The following CTNND2 variants were observed in gnomAD, a reference collection of about 807,000 sequenced individuals.
CTNND2 encodes catenin delta-2.
Under a neutral mutation model 144.4 loss-of-function variants are expected in CTNND2, and 22 were observed. The observed-to-expected ratio is 0.15, with a 90% CI of 0.11 to 0.22. The LOEUF is 0.22. Among genes scored for constraint, CTNND2 ranks in the 10% least tolerant of loss-of-function variants. CTNND2 has a pLI of 1.00. For missense variants in CTNND2, 1,353 were observed against 1,618.8 expected (o/e 0.84, Z 2.82); for synonymous variants, 751 against 695.6 (o/e 1.08, Z -1.25).
intron 1 of CTNND2, among the ~76,000 whole-genome samples, chr5:11,808,758 G>A (rs1792148102): frequency 6.6e-6 from 1 of 152,128 alleles, no homozygotes; most frequent in South Asian, 2.1e-4. Flanking sequence ...ACACAGTAAT[G>A]TTTCTCTAAG....
chr5:11,822,916 T>C (rs1421845417), intron 1 of CTNND2, among the ~76,000 whole-genome samples: 2 of 152,162 alleles, frequency 1.3e-5, no homozygotes, highest in African/African-American at 2.4e-5. Flanking sequence ...CATGTCCAGA[T>C]TCCTTACACA....
At chr5:11,496,311 C>T (rs574297340) in intron 3 of CTNND2, among the ~76,000 whole-genome samples, 1 of 152,342 alleles carries the variant, frequency 6.6e-6, no homozygotes, top group African/African-American at 2.4e-5. Context: ...ACCTCACTGC[C>T]TGTCAGCACA....
chr5:10,976,131 T>C (rs1736440654), intron 21 of CTNND2, among the ~76,000 whole-genome samples: 1 of 152,190 alleles, frequency 6.6e-6, no homozygotes. Context: ...TGGTATTTGC[T>C]CTTGTGGTAT....
chr5:11,264,380 A>G (rs1745231399), intron 9 of CTNND2, among the ~76,000 whole-genome samples: 1 of 152,206 alleles, frequency 6.6e-6, no homozygotes, highest in Non-Finnish European at 1.5e-5. Flanking sequence ...ATTTTCAGAA[A>G]CAAACAGTGG....
At chr5:11,093,268 C>A (rs1479605028) in intron 15 of CTNND2, among the ~76,000 whole-genome samples, 1 of 152,098 alleles carries the variant, frequency 6.6e-6, no homozygotes, top group East Asian at 1.9e-4. Flanking sequence ...AGCTCAAGTA[C>A]AATAGAAATA....
intron 1 of CTNND2, among the ~76,000 whole-genome samples, chr5:11,855,680 T>C (rs1229207363): frequency 2.6e-5 from 4 of 152,214 alleles, no homozygotes; most frequent in African/African-American, 4.8e-5. Context: ...TAGAGACTTC[T>C]GGTCACCCTG....
intron 13 of CTNND2, among the ~76,000 whole-genome samples, chr5:11,112,188 G>A (rs1255837058): frequency 6.6e-6 from 1 of 152,138 alleles, no homozygotes; most frequent in Non-Finnish European, 1.5e-5. Flanking sequence ...CGTATGTTAG[G>A]TCACGTGGCT....
chr5:11,737,183 G>A (rs1787733754), intron 1 of CTNND2, among the ~76,000 whole-genome samples: 1 of 152,128 alleles, frequency 6.6e-6, no homozygotes, highest in Non-Finnish European at 1.5e-5. Context: ...CTCGCCCACT[G>A]GAAAGGTCAT....
chr5:11,288,417 G>A (rs1747973118), intron 9 of CTNND2, among the ~76,000 whole-genome samples: 1 of 151,710 alleles, frequency 6.6e-6, no homozygotes. Flanking sequence ...AATTCTAATT[G>A]AATTACTTGT....
chr5:11,262,586 C>A (rs1029725217), intron 9 of CTNND2, among the ~76,000 whole-genome samples: 2 of 151,662 alleles, frequency 1.3e-5, no homozygotes, highest in African/African-American at 4.8e-5. Context: ...CATGGTGAAA[C>A]CCCGTCTCTA....
At chr5:11,178,975 T>C (rs12716081) in intron 11 of CTNND2, among the ~76,000 whole-genome samples, 62,940 of 152,066 alleles carry the variant, frequency 0.41, 13,423 homozygotes, top group African/African-American at 0.5. Flanking sequence ...ACAGTGCATA[T>C]ATTTTACAAC....
chr5:11,865,146 C>G (rs947290104), intron 1 of CTNND2, among the ~76,000 whole-genome samples: 2 of 152,108 alleles, frequency 1.3e-5, no homozygotes, highest in African/African-American at 4.8e-5. Context: ...CCGCGTGCCT[C>G]GGCCTCCCAA....
intron 3 of CTNND2, among the ~76,000 whole-genome samples, chr5:11,510,154 G>T (rs1168505519): frequency 1.3e-5 from 2 of 151,932 alleles, no homozygotes; most frequent in African/African-American, 4.8e-5. Flanking sequence ...GCCCAGGGTG[G>T]TCTTGAACTC....
chr5:11,794,261 T>C (rs899413790), intron 1 of CTNND2, among the ~76,000 whole-genome samples: 1 of 152,248 alleles, frequency 6.6e-6, no homozygotes, highest in Non-Finnish European at 1.5e-5. Context: ...CACCATCTAC[T>C]GTCCCCGTAT....
intron 3 of CTNND2, among the ~76,000 whole-genome samples, chr5:11,487,210 CTA>C (rs1160968): frequency 0.6 from 91,053 of 151,800 alleles, 28,442 homozygotes; most frequent in African/African-American, 0.77. Context: ...TTCCTTCTTA[CTA>C]TATACTCTTA....
intron 12 of CTNND2, among the ~76,000 whole-genome samples, chr5:11,156,513 G>T (rs1758234346): frequency 6.6e-6 from 1 of 152,094 alleles, no homozygotes. Context: ...TATTTTCTTG[G>T]ATGTTTTATT....
At chr5:11,007,924 A>G (rs1740659044) in intron 18 of CTNND2, among the ~76,000 whole-genome samples, 7 of 152,212 alleles carry the variant, frequency 4.6e-5, no homozygotes. Flanking sequence ...GTGGGTGGCC[A>G]CTTGATTAAG....
At chr5:11,657,130 T>A (rs1198128443) in intron 2 of CTNND2, among the ~76,000 whole-genome samples, 1 of 152,100 alleles carries the variant, frequency 6.6e-6, no homozygotes, top group East Asian at 1.9e-4. Flanking sequence ...CCACTTTTCA[T>A]GTCACAGAGG....
At chr5:11,008,700 G>T (rs1241111895) in intron 18 of CTNND2, among the ~76,000 whole-genome samples, 1 of 152,114 alleles carries the variant, frequency 6.6e-6, no homozygotes, top group African/African-American at 2.4e-5. Flanking sequence ...GACAAAATAG[G>T]GTTCTGCAGT....
Sources: gnomAD v4.1 joint callset for allele counts (sites outside exome capture counted in the v4.1 genomes callset) on GRCh38, gnomAD v4.1.1 for gene constraint, MANE v1.5 for transcripts, NCBI Gene and HGNC (gene_info 2026-07-23, HGNC 2026-07-21) for gene names.